The following RPTOR variants were observed in gnomAD, a reference collection of about 807,000 sequenced individuals.
The protein encoded by RPTOR is regulatory associated protein of MTOR complex 1.
A neutral mutation model predicts 169.9 loss-of-function variants in RPTOR; 21 were observed. The ratio of observed to expected loss-of-function variants is 0.12; its 90% CI spans 0.09 to 0.18. The LOEUF (loss-of-function observed/expected upper bound fraction) is 0.18. RPTOR is among the 10% of genes least tolerant of loss of function. The pLI, the probability that RPTOR is intolerant of heterozygous loss-of-function variation, is 1.00. For missense variants in RPTOR, 1,133 were observed against 1,855.9 expected (o/e 0.61, Z 7.16); for synonymous variants, 732 against 753.2 (o/e 0.97, Z 0.46).
Position 80,643,724 on chromosome 17 carries a change from T to C in RPTOR, c.266-4T>C. The C allele has an allele frequency of 6.2e-7, 1 of 1,612,194 alleles. No homozygotes were observed. The highest frequency in any genetic ancestry group is 1.1e-5 in the South Asian group (1 of 90,658). ...GAACTTTCTCTTTTCCATTGCTTCC[T>C]CAGATCCTCTGTCGATGGGTCCTCA... On this transcript the variant is annotated splice_region_variant and splice_polypyrimidine_tract_variant and intron_variant, in intron 2 of 33. Coordinates refer to ENST00000306801, the MANE Select transcript of RPTOR (RefSeq NM_020761.3).
intron 3 of RPTOR, among the ~76,000 whole-genome samples, chr17:80,673,475 G>C (rs891785268): frequency 1.3e-5 from 2 of 152,172 alleles, no homozygotes; most frequent in African/African-American, 4.8e-5. Flanking sequence ...TTCTGCTCAA[G>C]CTTAGGCTTT....
intron 7 of RPTOR, 114 bp downstream of exon 7, chr17:80,791,623 A>G: frequency 1.2e-6 from 1 of 865,458 alleles, no homozygotes; most frequent in South Asian, 1.8e-5. Flanking sequence ...GTTCCCTTTC[A>G]TGTGGCTGTG....
intron 4 of RPTOR, among the ~76,000 whole-genome samples, chr17:80,729,161 T>A (rs1222083819): frequency 6.6e-6 from 1 of 152,260 alleles, no homozygotes; most frequent in Non-Finnish European, 1.5e-5. Context: ...GCAGGCTTCC[T>A]GCACGCCATA....
intron 2 of RPTOR, among the ~76,000 whole-genome samples, chr17:80,636,863 C>A (rs1220123727): frequency 6.6e-6 from 1 of 152,192 alleles, no homozygotes; most frequent in Non-Finnish European, 1.5e-5. Flanking sequence ...GTAGGGCTGA[C>A]TACGAAAGAG....
chr17:80,944,347 T>C (rs2069072069), intron 25 of RPTOR, among the ~76,000 whole-genome samples: 1 of 152,264 alleles, frequency 6.6e-6, no homozygotes, highest in Admixed American at 6.5e-5. Context: ...CTACCGAGCT[T>C]ATTCTGAAAC....
At chr17:80,764,835 C>CT (rs1379495904) in intron 6 of RPTOR, among the ~76,000 whole-genome samples, 13 of 152,268 alleles carry the variant, frequency 8.5e-5, no homozygotes, top group African/African-American at 3.1e-4. Flanking sequence ...TGTTTCCTGA[C>CT]TTTTTAACGA....
intron 21 of RPTOR, among the ~76,000 whole-genome samples, 174 bp downstream of exon 21, chr17:80,909,103 G>T (rs1376632779): frequency 6.6e-6 from 1 of 152,230 alleles, no homozygotes; most frequent in Non-Finnish European, 1.5e-5. Flanking sequence ...AACTGTGTCT[G>T]TGCAGCTCCC....
At chr17:80,627,703 C>A (rs1326456563) in intron 2 of RPTOR, among the ~76,000 whole-genome samples, 56 of 152,112 alleles carry the variant, frequency 3.7e-4, no homozygotes, top group Admixed American at 3.7e-3. Context: ...AGTTGACAGA[C>A]ATTTGGGTTG....
intron 6 of RPTOR, among the ~76,000 whole-genome samples, chr17:80,766,554 A>G (rs1201628551): frequency 2.0e-5 from 3 of 152,242 alleles, no homozygotes; most frequent in African/African-American, 7.2e-5. Context: ...TCTGGGGTCC[A>G]GAAGCATCTT....
intron 5 of RPTOR, among the ~76,000 whole-genome samples, chr17:80,750,919 TA>T (rs757420288): frequency 2.6e-5 from 4 of 152,090 alleles, no homozygotes; most frequent in South Asian, 2.1e-4. Context: ...TTTATCATCA[TA>T]AAAAAAACCT....
In RPTOR at chr17:80,545,585, C is replaced by T. The variant is rs2143184256; in HGVS notation, c.-45C>T. 1.3e-6 allele frequency: 2 copies of T among 1,496,858 alleles called. No homozygotes were observed. Among genetic ancestry groups the T allele is most frequent in the African/African-American group, 1.4e-5 (1 of 70,588 alleles). The allele number at this position is 1,496,858 out of a possible 1,614,324, so 92.7% of individuals were successfully genotyped here. A position where few individuals can be genotyped will look rare whatever the true frequency, so the allele number is the denominator to read the frequency against. On this transcript the variant is annotated 5_prime_UTR_variant, in exon 1 of 34. Coordinates refer to ENST00000306801, the MANE Select transcript of RPTOR (RefSeq NM_020761.3). ...ACGCTAGTTTTTAAGGCTGGAGGTT[C>T]TCGAGCGCTTGCTGCCAAGGACTCC...
At chr17:80,829,751 C>CA (rs1487511228) in intron 9 of RPTOR, among the ~76,000 whole-genome samples, 10 of 152,218 alleles carry the variant, frequency 6.6e-5, no homozygotes, top group Non-Finnish European at 1.2e-4. Flanking sequence ...TGTGCGTGTC[C>CA]AAGGGTCCTC....
In RPTOR at chr17:80,659,771, G is replaced by A. The variant is rs2065707209; in HGVS notation, c.348+15961G>A. The stretch of plus-strand genomic sequence containing the variant: ...CCGCCCCTTGGTCTCCCAAAGTGCT[G>A]AGATACAGGCGTGAGCCACTGCGCC... On this transcript the variant is annotated intron_variant, in intron 3 of 33. Coordinates refer to ENST00000306801, the MANE Select transcript of RPTOR (RefSeq NM_020761.3). This position sits in a 1 kb window ranked among gnomAD's most constrained non-coding sequence, Gnocchi z 4.3. 6.6e-6 allele frequency among the ~76,000 whole-genome samples: 1 copy of A among 152,150 alleles called. No homozygotes were observed. The highest frequency in any genetic ancestry group is 2.4e-5 in the African/African-American group (1 of 41,436).
At chr17:80,629,179 A>T (rs2065420069) in intron 2 of RPTOR, among the ~76,000 whole-genome samples, 1 of 149,972 alleles carries the variant, frequency 6.7e-6, no homozygotes, top group African/African-American at 2.5e-5. Flanking sequence ...GTCTTCTGGG[A>T]CTCAGCTGTC....
At chr17:80,724,230 C>T (rs1054478823) in intron 4 of RPTOR, among the ~76,000 whole-genome samples, 12 of 151,116 alleles carry the variant, frequency 7.9e-5, no homozygotes, top group Middle Eastern at 6.8e-3. Context: ...GAGCTGGTTC[C>T]CCTTGGAGCC....
At chr17:80,604,870 A>G (rs1312918636) in intron 1 of RPTOR, among the ~76,000 whole-genome samples, 2 of 152,014 alleles carry the variant, frequency 1.3e-5, no homozygotes, top group Admixed American at 6.6e-5. Flanking sequence ...ACACGTGGAA[A>G]TTATGGGAGC....
intron 9 of RPTOR, among the ~76,000 whole-genome samples, chr17:80,832,671 C>T (rs187998614): frequency 2.6e-4 from 40 of 152,316 alleles, no homozygotes; most frequent in Non-Finnish European, 5.6e-4. Flanking sequence ...TGGAGGTGGG[C>T]TCCTCACCAT....
intron 20 of RPTOR, among the ~76,000 whole-genome samples, chr17:80,903,750 C>T (rs953404764): frequency 3.9e-5 from 6 of 152,098 alleles, no homozygotes; most frequent in Admixed American, 6.6e-5. Context: ...TAGTGAGTTC[C>T]GGCCAGGCCT....
At chr17:80,840,506 A>T (rs1386103869) in intron 10 of RPTOR, among the ~76,000 whole-genome samples, 2 of 86,910 alleles carry the variant, frequency 2.3e-5, no homozygotes, top group Non-Finnish European at 4.8e-5. Context: ...ACCACACGGC[A>T]GCTCACACCA....
Sources: gnomAD v4.1 joint callset for allele counts (sites outside exome capture counted in the v4.1 genomes callset) on GRCh38, gnomAD v4.1.1 for gene constraint, Gnocchi (gnomAD v3.1) non-coding constraint, MANE v1.5 for transcripts, NCBI Gene and HGNC (gene_info 2026-07-23, HGNC 2026-07-21) for gene names.